Variants in RBFOX1 observed in about 807,000 individuals in gnomAD.
The protein encoded by RBFOX1 is RNA binding fox-1 homolog 1.
A neutral mutation model predicts 57.7 loss-of-function variants in RBFOX1; 8 were observed. That is an observed-to-expected ratio of 0.14 (90% CI 0.08 to 0.25). The LOEUF is 0.25. Among genes scored for constraint, RBFOX1 ranks in the 10% least tolerant of loss-of-function variants. RBFOX1 has a pLI of 1.00. For synonymous variants in RBFOX1, 326 were observed against 222.4 expected, an observed-to-expected ratio of 1.47 and a Z score of -4.15; for missense variants, 611 against 548.5, an observed-to-expected ratio of 1.11 and a Z score of -1.14.
chr16:7,437,909 A>T lies in RBFOX1; in HGVS notation c.28-80238A>T, dbSNP rs970210672. 2.0e-4 allele frequency among the ~76,000 whole-genome samples: 18 copies of T among 88,470 alleles called. No individual in the cohort carries two copies. In the East Asian group the frequency reaches 7.4e-3, roughly 36 times the overall value. 58.0% of individuals were successfully genotyped at this position (88,470 alleles called of 152,430 possible). A position where few individuals can be genotyped will look rare whatever the true frequency, so the allele number is the denominator to read the frequency against. On this transcript the variant is annotated intron_variant, in intron 4 of 15. Transcript: ENST00000550418. ...AGGGTCATATTAGACAAATTGCTTAAAAAAAAAAAAAGCACACCGCGATCA... is the reference window on the plus strand; with the variant it reads ...AGGGTCATATTAGACAAATTGCTTATAAAAAAAAAAAGCACACCGCGATCA...
intron 2 of RBFOX1, among the ~76,000 whole-genome samples, chr16:5,573,939 AT>A (rs1567245752): frequency 6.6e-6 from 1 of 152,140 alleles, no homozygotes; most frequent in Non-Finnish European, 1.5e-5. Flanking sequence ...GGGCAACAGA[AT>A]GAGACCCTGT....
chr16:6,792,286 A>T (rs775236452), intron 3 of RBFOX1, among the ~76,000 whole-genome samples: 6 of 152,230 alleles, frequency 3.9e-5, no homozygotes, highest in Non-Finnish European at 5.9e-5. Context: ...ACATAAATAC[A>T]TCTAAAGTTT....
chr16:5,456,818 T>C (rs2068643970), intron 1 of RBFOX1, among the ~76,000 whole-genome samples: 1 of 152,158 alleles, frequency 6.6e-6, no homozygotes, highest in Admixed American at 6.5e-5. Context: ...GAATAACACC[T>C]AACCCCTTTC....
At chr16:6,565,479 G>C (rs9930165) in intron 2 of RBFOX1, among the ~76,000 whole-genome samples, 7,920 of 150,808 alleles carry the variant, frequency 0.053, 637 homozygotes, top group African/African-American at 0.17. Flanking sequence ...GGATGGTCTC[G>C]ATCTCCTGAC....
At chr16:7,188,215 T>A (rs1379559147) in intron 4 of RBFOX1, among the ~76,000 whole-genome samples, 1 of 152,214 alleles carries the variant, frequency 6.6e-6, no homozygotes, top group Non-Finnish European at 1.5e-5. Context: ...CCTGAGCCTG[T>A]GTGCATTCTG....
At chr16:6,898,740 A>G (rs960198675) in intron 3 of RBFOX1, among the ~76,000 whole-genome samples, 1 of 152,002 alleles carries the variant, frequency 6.6e-6, no homozygotes, top group African/African-American at 2.4e-5. Flanking sequence ...ATACATGTGT[A>G]TGTGTCCATA....
At chr16:7,663,914 T>TCCTGG (rs2068477598) in intron 12 of RBFOX1, among the ~76,000 whole-genome samples, 1 of 152,160 alleles carries the variant, frequency 6.6e-6, no homozygotes, top group Non-Finnish European at 1.5e-5. Context: ...CCTGGTTGTT[T>TCCTGG]TACTCAAAGC....
chr16:6,833,141 G>A (rs1277627468), intron 3 of RBFOX1, among the ~76,000 whole-genome samples: 1 of 150,762 alleles, frequency 6.6e-6, no homozygotes. Flanking sequence ...TTCAAGTCTT[G>A]TATTTTATTT....
At chr16:5,677,056 T>C (rs982301462) in intron 3 of RBFOX1, among the ~76,000 whole-genome samples, 19 of 152,236 alleles carry the variant, frequency 1.2e-4, no homozygotes, top group African/African-American at 4.1e-4. Context: ...CGGTCTCCAA[T>C]TCTGCATCTT....
intron 2 of RBFOX1, among the ~76,000 whole-genome samples, chr16:5,536,027 G>A (rs548448067): frequency 6.6e-6 from 1 of 151,932 alleles, no homozygotes; most frequent in Non-Finnish European, 1.5e-5. Flanking sequence ...CCCCTTTCCT[G>A]ACAGGGAATC....
chr16:6,867,178 T>C (rs1357131177), intron 3 of RBFOX1, among the ~76,000 whole-genome samples: 1 of 152,190 alleles, frequency 6.6e-6, no homozygotes, highest in Non-Finnish European at 1.5e-5. Flanking sequence ...AGTTTTCTTC[T>C]TGGTCTTGCA....
chr16:7,175,124 C>T (rs773228764), intron 4 of RBFOX1, among the ~76,000 whole-genome samples: 2 of 151,880 alleles, frequency 1.3e-5, no homozygotes, highest in Non-Finnish European at 2.9e-5. Context: ...TGGTGGTTTG[C>T]TGCACCTATC....
intron 14 of RBFOX1, among the ~76,000 whole-genome samples, chr16:7,679,813 G>T (rs1157402070): frequency 6.6e-6 from 1 of 151,964 alleles, no homozygotes; most frequent in Admixed American, 6.6e-5. Context: ...CCAGAAAGAA[G>T]ACCATCTGGT....
chr16:6,587,562 A>G (rs976836726), intron 2 of RBFOX1, among the ~76,000 whole-genome samples: 5 of 152,076 alleles, frequency 3.3e-5, no homozygotes, highest in Admixed American at 1.3e-4. Context: ...GATTACAGAC[A>G]TGAGCCACCA....
chr16:6,439,919 C>T (rs1344235875), intron 2 of RBFOX1, among the ~76,000 whole-genome samples: 2 of 136,196 alleles, frequency 1.5e-5, no homozygotes, highest in Non-Finnish European at 3.1e-5. Flanking sequence ...AAAAACAATA[C>T]TCAGAAGGTC....
At chr16:5,318,079 A>G (rs113655124) in intron 1 of RBFOX1, among the ~76,000 whole-genome samples, 3 of 152,172 alleles carry the variant, frequency 2.0e-5, no homozygotes, top group Non-Finnish European at 2.9e-5. Context: ...GGTTTGAGTT[A>G]AAGTGTCTCC....
chr16:7,147,146 A>AT (rs560702800), intron 4 of RBFOX1, among the ~76,000 whole-genome samples: 83 of 129,298 alleles, frequency 6.4e-4, no homozygotes, highest in Non-Finnish European at 7.7e-4. Context: ...TGACTGGCTA[A>AT]TTTTTTTTTT....
intron 4 of RBFOX1, among the ~76,000 whole-genome samples, chr16:7,075,807 C>T (rs1035732253): frequency 6.6e-6 from 1 of 152,076 alleles, no homozygotes; most frequent in African/African-American, 2.4e-5. Flanking sequence ...GTCTTGATCT[C>T]CTGACCTCGT....
Position 6,513,682 on chromosome 16 carries a change from C to T in RBFOX1, c.-63-140921C>T, listed in dbSNP as rs554587466. 7.4e-4 allele frequency among the ~76,000 whole-genome samples: 112 copies of T among 152,094 alleles called. 2 individuals are homozygous for T. Among genetic ancestry groups the T allele is most frequent in the Non-Finnish European group, 1.3e-3 (89 of 67,998 alleles). ...TTGGGAGGCGGAGGTTGTAGTGAGC[C>T]GAAATCGCACCATTGCACTCCAGCC... On this transcript the variant is annotated intron_variant, in intron 2 of 15. Coordinates refer to ENST00000550418, the MANE Select transcript of RBFOX1 (RefSeq NM_018723.4).
Sources: allele counts gnomAD v4.1 joint callset (sites outside exome capture counted in the v4.1 genomes callset), GRCh38; gene constraint gnomAD v4.1.1; transcripts MANE v1.5; gene names NCBI Gene and HGNC (gene_info 2026-07-23, HGNC 2026-07-21).